Variants in FARS2 observed in about 807,000 individuals in gnomAD.
FARS2 encodes phenylalanyl-tRNA synthetase 2, mitochondrial.
FARS2 carries 40 observed loss-of-function variants against 46.4 expected under a neutral mutation model. The ratio of observed to expected loss-of-function variants is 0.86; its 90% confidence interval spans 0.67 to 1.12. FARS2 has a LOEUF of 1.12. Ranked by LOEUF, FARS2 falls within the 50% of genes most tolerant of loss-of-function variation. FARS2 has a pLI of 0.00. For synonymous variants in FARS2, 234 were observed against 214.9 expected (o/e 1.09, Z -0.78); for missense variants, 513 against 567.9 (o/e 0.90, Z 0.98).
chr6:5,368,824 C>T lies in FARS2; in HGVS notation c.254C>T (p.Pro85Leu). The change falls in exon 2 of 7, where the codon CCT becomes CTT. Residue 85 changes from proline to leucine, a missense_variant. Physicochemically the swap from Pro to Leu is moderately conservative, Grantham distance 98. Coordinates refer to ENST00000274680, the MANE Select transcript of FARS2 (RefSeq NM_006567.5). ...GRNLHNQQHHPLWLIKERVKE... is the reference protein window; with the variant it reads ...GRNLHNQQHHLLWLIKERVKE... ...AACCTGCACAACCAGCAGCATCACC[C>T]TCTGTGGCTGATCAAGGAGAGGGTG... 1 of 1,614,166 alleles carries T rather than the reference C, an allele frequency of 6.2e-7. No homozygotes were observed. The highest frequency in any genetic ancestry group is 1.1e-5 in the South Asian group (1 of 91,076).
At chr6:5,437,978 A>G (rs1294465880) in intron 4 of FARS2, among the ~76,000 whole-genome samples, 1 of 152,012 alleles carries the variant, frequency 6.6e-6, no homozygotes, top group Non-Finnish European at 1.5e-5. Context: ...ATTTTATGTG[A>G]GAATGTTTTT....
chr6:5,628,861 G>A (rs1776158652), intron 6 of FARS2, among the ~76,000 whole-genome samples: 1 of 152,202 alleles, frequency 6.6e-6, no homozygotes, highest in Admixed American at 6.5e-5. Context: ...GATGTGCACT[G>A]CCATCACCTG....
At chr6:5,413,743 C>T (rs977409151) in intron 3 of FARS2, among the ~76,000 whole-genome samples, 1 of 152,210 alleles carries the variant, frequency 6.6e-6, no homozygotes, top group East Asian at 1.9e-4. Flanking sequence ...CCTCCTGTAG[C>T]AGCTCAGATT....
At chr6:5,319,136 A>G (rs1440419423) in intron 1 of FARS2, among the ~76,000 whole-genome samples, 1 of 152,078 alleles carries the variant, frequency 6.6e-6, no homozygotes, top group Non-Finnish European at 1.5e-5. Context: ...ATGTCAGGTG[A>G]CCATCAGGTG....
chr6:5,297,302 G>A (rs980552041), intron 1 of FARS2, among the ~76,000 whole-genome samples: 2 of 152,164 alleles, frequency 1.3e-5, no homozygotes, highest in African/African-American at 2.4e-5. Context: ...CAGAGTTCAT[G>A]TTATGAAGGA....
At chr6:5,274,302 T>C (rs1013439469) in intron 1 of FARS2, among the ~76,000 whole-genome samples, 4 of 152,248 alleles carry the variant, frequency 2.6e-5, no homozygotes, top group African/African-American at 9.6e-5. Context: ...TGAATTGTAA[T>C]GCGGTCTTAG....
intron 5 of FARS2, among the ~76,000 whole-genome samples, chr6:5,556,136 C>G (rs186253100): frequency 3.3e-5 from 5 of 152,230 alleles, no homozygotes; most frequent in African/African-American, 1.2e-4. Flanking sequence ...CTTCTGCTGA[C>G]TAATGCTTGA....
At chr6:5,257,310 C>T (rs1335983695), upstream of FARS2, among the ~76,000 whole-genome samples, 2 of 152,146 alleles carry the variant, frequency 1.3e-5, no homozygotes, top group East Asian at 1.9e-4. Flanking sequence ...GCCTGCCTGA[C>T]CACACCAAGC....
chr6:5,702,968 A>G (rs1175802637), intron 6 of FARS2, among the ~76,000 whole-genome samples: 1 of 152,174 alleles, frequency 6.6e-6, no homozygotes, highest in African/African-American at 2.4e-5. Flanking sequence ...GAACTCCCAC[A>G]GGCCCTGCTT....
At chr6:5,716,925 T>C (rs1363806007) in intron 6 of FARS2, among the ~76,000 whole-genome samples, 2 of 152,178 alleles carry the variant, frequency 1.3e-5, no homozygotes, top group African/African-American at 4.8e-5. Context: ...AAAGCTTGTG[T>C]GGAGACTTCA....
At chr6:5,691,983 G>A (rs553332948) in intron 6 of FARS2, among the ~76,000 whole-genome samples, 50 of 152,334 alleles carry the variant, frequency 3.3e-4, no homozygotes, top group South Asian at 2.9e-3. Flanking sequence ...AGGACCCTCC[G>A]AGCCAGGCGC....
chr6:5,329,678 C>G (rs924725694), intron 1 of FARS2, among the ~76,000 whole-genome samples: 1 of 152,120 alleles, frequency 6.6e-6, no homozygotes, highest in Admixed American at 6.5e-5. Flanking sequence ...TGGTCACTTG[C>G]TAGAAGGTTT....
At chr6:5,438,568 G>T (rs1446350054) in intron 4 of FARS2, among the ~76,000 whole-genome samples, 1 of 151,532 alleles carries the variant, frequency 6.6e-6, no homozygotes, top group African/African-American at 2.4e-5. Flanking sequence ...TTTCTTCTGA[G>T]AATTCCTGTA....
chr6:5,268,744 T>G (rs1285268958), intron 1 of FARS2, among the ~76,000 whole-genome samples: 1 of 152,154 alleles, frequency 6.6e-6, no homozygotes, highest in African/African-American at 2.4e-5. Flanking sequence ...GTGAAGAAAG[T>G]CATTGGTAGC....
intron 6 of FARS2, among the ~76,000 whole-genome samples, chr6:5,757,462 A>C (rs1762265782): frequency 6.6e-6 from 1 of 152,156 alleles, no homozygotes; most frequent in Admixed American, 6.5e-5. Context: ...CCAAAAAAAA[A>C]CTGTGCCCTT....
intron 5 of FARS2, among the ~76,000 whole-genome samples, chr6:5,591,294 C>G (rs531296825): frequency 2.6e-5 from 4 of 152,178 alleles, no homozygotes; most frequent in Non-Finnish European, 4.4e-5. Flanking sequence ...CAAGGGAAAA[C>G]ACTAGAACCG....
chr6:5,572,981 G>T (rs951130719), intron 5 of FARS2, among the ~76,000 whole-genome samples: 5 of 152,162 alleles, frequency 3.3e-5, no homozygotes, highest in Non-Finnish European at 5.9e-5. Context: ...TTAAGGAATA[G>T]ATCTTGAGTT....
intron 4 of FARS2, among the ~76,000 whole-genome samples, chr6:5,433,767 CAG>C (rs1212640658): frequency 6.6e-6 from 1 of 152,166 alleles, no homozygotes; most frequent in African/African-American, 2.4e-5. Context: ...TGCCTGGTGT[CAG>C]GGGGCTGAAG....
intron 4 of FARS2, among the ~76,000 whole-genome samples, chr6:5,492,829 C>T (rs1420864258): frequency 3.1e-5 from 4 of 131,116 alleles, no homozygotes; most frequent in Non-Finnish European, 1.7e-5. Flanking sequence ...ATGGAATTTG[C>T]AGAGTGGCTA....
Sources: allele counts gnomAD v4.1 joint callset (sites outside exome capture counted in the v4.1 genomes callset), GRCh38; gene constraint gnomAD v4.1.1; transcripts MANE v1.5; gene names NCBI Gene and HGNC (gene_info 2026-07-23, HGNC 2026-07-21).